The following FMN1 variants were observed in gnomAD, a reference collection of about 807,000 sequenced individuals.
The protein encoded by FMN1 is formin-1.
Under a neutral mutation model 132.4 loss-of-function variants are expected in FMN1, and 110 were observed. The ratio of observed to expected loss-of-function variants is 0.83; its 90% CI spans 0.71 to 0.97. The LOEUF is 0.97. Among genes scored for constraint, FMN1 ranks in the 50% least tolerant of loss-of-function variants. The pLI is 0.00. For missense variants in FMN1, 1,792 were observed against 1,705.3 expected, an observed-to-expected ratio of 1.05 and a Z score of -0.90; for synonymous variants, 722 against 651.7, an observed-to-expected ratio of 1.11 and a Z score of -1.64.
chr15:33,089,270 G>A (rs556051013), intron 4 of FMN1, among the ~76,000 whole-genome samples: 3 of 152,278 alleles, frequency 2.0e-5, no homozygotes, highest in East Asian at 3.9e-4. Context: ...TGAAATCAGA[G>A]GAGCTAGGGG....
intron 16 of FMN1, among the ~76,000 whole-genome samples, chr15:32,873,497 G>A (rs2059564603): frequency 6.6e-6 from 1 of 152,158 alleles, no homozygotes; most frequent in African/African-American, 2.4e-5. Context: ...ACAGTTTCTG[G>A]TCCAGCAGCC....
intron 17 of FMN1, among the ~76,000 whole-genome samples, chr15:32,808,505 T>C (rs1408682205): frequency 7.2e-5 from 11 of 152,206 alleles, no homozygotes; most frequent in South Asian, 2.1e-4. Flanking sequence ...AAGTGTAGCA[T>C]AGAGGAAAGA....
intron 16 of FMN1, among the ~76,000 whole-genome samples, 199 bp from the exon 17 acceptor site, chr15:32,857,306 T>C (rs1232726567): frequency 2.0e-5 from 3 of 152,138 alleles, no homozygotes; most frequent in African/African-American, 4.8e-5. Flanking sequence ...AATTAGTTCA[T>C]TCTACACCAC....
intron 4 of FMN1, among the ~76,000 whole-genome samples, chr15:33,099,419 C>T (rs967566328): frequency 9.8e-5 from 15 of 152,286 alleles, no homozygotes; most frequent in African/African-American, 3.6e-4. Flanking sequence ...ATCACTAAGG[C>T]ATCTAGGGTG....
intron 7 of FMN1, among the ~76,000 whole-genome samples, chr15:33,001,811 A>G (rs892432730): frequency 6.6e-6 from 1 of 150,680 alleles, no homozygotes; most frequent in Non-Finnish European, 1.5e-5. Context: ...ACCTTTTGAT[A>G]AGCTAGTAGC....
intron 19 of FMN1, among the ~76,000 whole-genome samples, chr15:32,785,196 G>GTATATATATA (rs1443417858): frequency 7.0e-4 from 18 of 25,834 alleles, no homozygotes; most frequent in African/African-American, 2.2e-3. Context: ...GTGTGTGTGT[G>GTATATATATA]TGTGTATATA....
intron 4 of FMN1, among the ~76,000 whole-genome samples, chr15:33,127,122 C>A (rs1963160399): frequency 6.6e-6 from 1 of 152,168 alleles, no homozygotes. Context: ...AGATAGCATC[C>A]TGTTAACAAG....
At chr15:32,845,501 C>T (rs912670069) in intron 17 of FMN1, among the ~76,000 whole-genome samples, 14 of 151,972 alleles carry the variant, frequency 9.2e-5, no homozygotes, top group African/African-American at 3.4e-4. Flanking sequence ...TTCTATTTAC[C>T]CCTAGGGTCC....
At chr15:33,075,511 A>G (rs1000381429) in intron 5 of FMN1, among the ~76,000 whole-genome samples, 6 of 152,168 alleles carry the variant, frequency 3.9e-5, no homozygotes, top group African/African-American at 1.4e-4. Flanking sequence ...TGGGTGTTGC[A>G]GGGCCAGTGT....
chr15:33,015,003 A>C (rs1393416506), intron 6 of FMN1, among the ~76,000 whole-genome samples: 1 of 152,228 alleles, frequency 6.6e-6, no homozygotes, highest in African/African-American at 2.4e-5. Flanking sequence ...TCAAATTGAA[A>C]AGGTAGACCC....
At chr15:32,912,100 CAT>C (rs1409023190) in intron 10 of FMN1, among the ~76,000 whole-genome samples, 3 of 152,196 alleles carry the variant, frequency 2.0e-5, no homozygotes, top group Non-Finnish European at 4.4e-5. Flanking sequence ...AAAATGTTTA[CAT>C]GTTAACTAAT....
intron 6 of FMN1, among the ~76,000 whole-genome samples, chr15:33,040,715 G>T (rs1234541876): frequency 6.6e-6 from 1 of 152,166 alleles, no homozygotes; most frequent in Non-Finnish European, 1.5e-5. Flanking sequence ...AATCCCCCAG[G>T]AGTCATCCTA....
intron 2 of FMN1, among the ~76,000 whole-genome samples, chr15:33,183,540 C>T (rs1965776026): frequency 6.6e-6 from 1 of 152,190 alleles, no homozygotes; most frequent in South Asian, 2.1e-4. Flanking sequence ...ACCGAGTAGA[C>T]ACTCAATAAC....
intron 7 of FMN1, among the ~76,000 whole-genome samples, chr15:33,005,483 T>G (rs1455761870): frequency 3.3e-5 from 5 of 152,242 alleles, no homozygotes; most frequent in African/African-American, 1.2e-4. Context: ...TATACTTTCC[T>G]TCTTCCATAT....
chr15:33,007,717 T>C (rs925252761), intron 7 of FMN1, among the ~76,000 whole-genome samples: 4 of 152,282 alleles, frequency 2.6e-5, no homozygotes, highest in Admixed American at 2.6e-4. Context: ...ACTTCTACTA[T>C]ATTTTATATA....
At chr15:33,170,628 C>A (rs940169322) in intron 3 of FMN1, among the ~76,000 whole-genome samples, 5 of 150,400 alleles carry the variant, frequency 3.3e-5, no homozygotes, top group African/African-American at 9.8e-5. Flanking sequence ...AAACGCCCAA[C>A]AGGTATATGA....
intron 8 of FMN1, 34 bp downstream of exon 8, chr15:32,968,680 T>G (rs748466716): frequency 1.2e-6 from 2 of 1,611,126 alleles, no homozygotes; most frequent in Admixed American, 3.4e-5. Flanking sequence ...TCCTAGGAAT[T>G]CACATGCTGA....
At chr15:32,968,249 A>AT (rs1180922429) in intron 8 of FMN1, among the ~76,000 whole-genome samples, 1 of 152,252 alleles carries the variant, frequency 6.6e-6, no homozygotes, top group Non-Finnish European at 1.5e-5. Context: ...CATTCTTTTA[A>AT]TAAAAACTGA....
At chr15:33,008,503 AAAG>A (rs1336076786) in intron 6 of FMN1, among the ~76,000 whole-genome samples, 1 of 150,650 alleles carries the variant, frequency 6.6e-6, no homozygotes, top group Non-Finnish European at 1.5e-5. Flanking sequence ...CTGTTTCAAA[AAAG>A]AAAAAAAAAA....
Sources: gnomAD v4.1 joint callset for allele counts (sites outside exome capture counted in the v4.1 genomes callset) on GRCh38, gnomAD v4.1.1 for gene constraint, MANE v1.5 for transcripts, NCBI Gene and HGNC (gene_info 2026-07-23, HGNC 2026-07-21) for gene names.